Variants in CFAP77 observed in about 807,000 individuals in gnomAD.
CFAP77 encodes cilia and flagella associated protein 77.
CFAP77 carries 25 observed loss-of-function variants against 31.1 expected under a neutral mutation model. That is an observed-to-expected ratio of 0.80 (90% CI 0.59 to 1.12). CFAP77 has a LOEUF of 1.12. Among genes scored for constraint, CFAP77 ranks in the 50% most tolerant of loss-of-function variants. CFAP77 has a pLI of 0.00. For synonymous variants in CFAP77, 151 were observed against 159.9 expected, an observed-to-expected ratio of 0.94 and a Z score of 0.42; for missense variants, 377 against 397.3, an observed-to-expected ratio of 0.95 and a Z score of 0.44.
intron 1 of CFAP77, among the ~76,000 whole-genome samples, chr9:132,453,013 T>G (rs532311894): frequency 1.3e-5 from 2 of 152,194 alleles, no homozygotes; most frequent in Non-Finnish European, 2.9e-5. Flanking sequence ...AGAAAAGCAT[T>G]AGACTCATGG....
At chr9:132,491,682 T>C (rs140549347) in intron 1 of CFAP77, among the ~76,000 whole-genome samples, 132 of 152,320 alleles carry the variant, frequency 8.7e-4, no homozygotes, top group African/African-American at 2.8e-3. Flanking sequence ...TCCCCCCAAA[T>C]TGGGTAAATA....
At chr9:132,474,019 CA>C (rs1312971474) in intron 1 of CFAP77, among the ~76,000 whole-genome samples, 1 of 152,156 alleles carries the variant, frequency 6.6e-6, no homozygotes, top group Non-Finnish European at 1.5e-5. Context: ...TCCCACTGAT[CA>C]CATTGCGTCC....
Position 132,455,083 on chromosome 9 carries a change from T to C in CFAP77, c.196-43612T>C, listed in dbSNP as rs907222549. Among the ~76,000 whole-genome samples, 1 of 152,182 alleles carries C rather than the reference T, an allele frequency of 6.6e-6. No homozygotes were observed. Among genetic ancestry groups the C allele is most frequent in the African/African-American group, 2.4e-5 (1 of 41,446 alleles). On this transcript the variant is annotated intron_variant, in intron 1 of 5. Coordinates refer to ENST00000393216, the MANE Select transcript of CFAP77 (RefSeq NM_001282957.2). The surrounding 1 kb of genome is among the most constrained non-coding windows in gnomAD (Gnocchi z 4.1). ...CAGTCCATGGGAAGGCCCAGTGATA[T>C]CTTGTGAAGTTTGTTCTACTCGCAG... is the stretch of plus-strand genomic sequence containing the variant.
At chr9:132,418,778 G>A (rs566822735) in intron 1 of CFAP77, among the ~76,000 whole-genome samples, 9 of 152,352 alleles carry the variant, frequency 5.9e-5, no homozygotes, top group African/African-American at 1.9e-4. Flanking sequence ...TCACTGACCG[G>A]TAGACAAGCT....
chr9:132,473,206 G>C (rs190905517), intron 1 of CFAP77, among the ~76,000 whole-genome samples: 9 of 152,104 alleles, frequency 5.9e-5, no homozygotes. Flanking sequence ...ATCTGTTCAC[G>C]AGGGATCTGC....
At chr9:132,551,723 C>G (rs1281755527) in intron 5 of CFAP77, among the ~76,000 whole-genome samples, 1 of 152,230 alleles carries the variant, frequency 6.6e-6, no homozygotes, top group Non-Finnish European at 1.5e-5. Context: ...AAGTCACGTG[C>G]CCAAGGTTAA....
intron 5 of CFAP77, among the ~76,000 whole-genome samples, chr9:132,571,202 A>T (rs1172759755): frequency 6.6e-6 from 1 of 151,990 alleles, no homozygotes; most frequent in Non-Finnish European, 1.5e-5. Flanking sequence ...TCCTGAACCC[A>T]CTGCAGAGCC....
At chr9:132,467,722 T>G (rs749661815) in intron 1 of CFAP77, among the ~76,000 whole-genome samples, 1 of 152,162 alleles carries the variant, frequency 6.6e-6, no homozygotes, top group African/African-American at 2.4e-5. Context: ...AAAAGTGGAA[T>G]GGTAGAATCA....
chr9:132,484,344 C>G (rs528164418), intron 1 of CFAP77, among the ~76,000 whole-genome samples: 1 of 152,268 alleles, frequency 6.6e-6, no homozygotes, highest in African/African-American at 2.4e-5. Flanking sequence ...AACCATCACC[C>G]CTCTCTAATT....
At chr9:132,502,770 C>T (rs189859178) in intron 3 of CFAP77, among the ~76,000 whole-genome samples, 17 of 152,148 alleles carry the variant, frequency 1.1e-4, no homozygotes, top group South Asian at 2.1e-4. Flanking sequence ...TGGACGTGGA[C>T]GGACACGTGT....
Position 132,498,726 on chromosome 9 carries a change from A to G in CFAP77, c.227A>G (p.Tyr76Cys), listed in dbSNP as rs1851786751. The change falls in exon 2 of 6, where the codon TAC becomes TGC. Residue 76 changes from tyrosine (Y) to cysteine (C), a missense_variant. Coordinates refer to ENST00000393216, the MANE Select transcript of CFAP77 (RefSeq NM_001282957.2). This position sits in a 1 kb window ranked among gnomAD's most constrained non-coding sequence, Gnocchi z 4.2. ...CTCGGCAAGCCCCGGGAAAGAAGCT[A>G]CAGTCTGCCCGGCATTAATTTTAAT... ...AELGKPRERS[Y>C]SLPGINFNYG... The G allele has an allele frequency of 6.2e-7, 1 of 1,612,670 alleles. No homozygotes were observed. Among genetic ancestry groups the G allele is most frequent in the Non-Finnish European group, 8.5e-7 (1 of 1,179,312 alleles).
chr9:132,470,781 G>A (rs1460787269), intron 1 of CFAP77, among the ~76,000 whole-genome samples: 3 of 152,138 alleles, frequency 2.0e-5, no homozygotes, highest in Non-Finnish European at 4.4e-5. Flanking sequence ...TGCCAAGGTG[G>A]GTGGATCACT....
chr9:132,568,583 G>T (rs891068837), intron 5 of CFAP77, among the ~76,000 whole-genome samples: 1 of 150,118 alleles, frequency 6.7e-6, no homozygotes, highest in Non-Finnish European at 1.5e-5. Flanking sequence ...AAAATAGTGC[G>T]TATACTATAC....
chr9:132,515,904 G>A (rs911600695), intron 3 of CFAP77, among the ~76,000 whole-genome samples: 1 of 152,198 alleles, frequency 6.6e-6, no homozygotes, highest in Admixed American at 6.5e-5. Context: ...TCAGTGAATA[G>A]TTCCTTGGGC....
At chr9:132,546,375 G>A (rs1370155215) in intron 5 of CFAP77, among the ~76,000 whole-genome samples, 2 of 152,138 alleles carry the variant, frequency 1.3e-5, no homozygotes, top group African/African-American at 4.8e-5. Flanking sequence ...CTGATCTGCT[G>A]CCCCCACCCC....
intron 1 of CFAP77, among the ~76,000 whole-genome samples, chr9:132,445,254 G>A (rs1159811999): frequency 6.6e-6 from 1 of 152,160 alleles, no homozygotes; most frequent in African/African-American, 2.4e-5. Context: ...GATTGCAGGT[G>A]TGAGCCACTG....
intron 1 of CFAP77, among the ~76,000 whole-genome samples, chr9:132,438,544 T>A (rs867566525): frequency 0.018 from 1,884 of 104,254 alleles, 35 homozygotes; most frequent in African/African-American, 0.048. Context: ...TATATATATT[T>A]TTTTTTTTTT....
chr9:132,450,734 T>C (rs1409279303), intron 1 of CFAP77, among the ~76,000 whole-genome samples: 1 of 152,134 alleles, frequency 6.6e-6, no homozygotes, highest in Non-Finnish European at 1.5e-5. Flanking sequence ...AGATGTTAAG[T>C]GGGGCAGTGA....
intron 3 of CFAP77, among the ~76,000 whole-genome samples, chr9:132,502,562 G>A (rs936999077): frequency 5.3e-5 from 8 of 152,044 alleles, no homozygotes; most frequent in Non-Finnish European, 1.0e-4. Flanking sequence ...GATCTCATAT[G>A]CACGGAATCA....
Sources: allele counts gnomAD v4.1 joint callset (sites outside exome capture counted in the v4.1 genomes callset), GRCh38; gene constraint gnomAD v4.1.1; non-coding constraint Gnocchi (gnomAD v3.1); transcripts MANE v1.5; gene names NCBI Gene and HGNC (gene_info 2026-07-23, HGNC 2026-07-21).